NAALADL2: variants seen among roughly 807,000 people sequenced by gnomAD.
NAALADL2 encodes N-acetylated alpha-linked acidic dipeptidase like 2, also known as inactive N-acetylated-alpha-linked acidic dipeptidase-like protein 2.
Under a neutral mutation model 87.2 loss-of-function variants are expected in NAALADL2, and 76 were observed. The observed-to-expected ratio is 0.87, with a 90% CI of 0.72 to 1.05. The LOEUF (loss-of-function observed/expected upper bound fraction) is 1.05, where lower values mean the gene tolerates loss of function less well. Among genes scored for constraint, NAALADL2 ranks in the 50% least tolerant of loss-of-function variants. NAALADL2 has a pLI of 0.00. For synonymous variants in NAALADL2, 354 were observed against 331.0 expected, an observed-to-expected ratio of 1.07 and a Z score of -0.75; for missense variants, 1,089 against 945.8, an observed-to-expected ratio of 1.15 and a Z score of -1.99.
At chr3:175,370,353 G>A (rs7610681) in intron 5 of NAALADL2, among the ~76,000 whole-genome samples, 52,967 of 151,784 alleles carry the variant, frequency 0.35, 9,556 homozygotes, top group East Asian at 0.53. Flanking sequence ...AAAATGAAAT[G>A]TTAGAAACTT....
chr3:175,143,573 C>T (rs1388349720), intron 2 of NAALADL2, among the ~76,000 whole-genome samples: 1 of 131,502 alleles, frequency 7.6e-6, no homozygotes, highest in Non-Finnish European at 1.6e-5. Context: ...AAAAAAAAGA[C>T]AATGAAACTA....
At chr3:174,746,227 CAA>C (rs1440047722) in intron 3 of NAALADL2, among the ~76,000 whole-genome samples, 1 of 152,122 alleles carries the variant, frequency 6.6e-6, no homozygotes, top group Non-Finnish European at 1.5e-5. Flanking sequence ...GCAACTGCAA[CAA>C]AGTCTCAGGA....
intron 3 of NAALADL2, among the ~76,000 whole-genome samples, chr3:174,742,733 T>G (rs1733877499): frequency 6.6e-6 from 1 of 151,732 alleles, no homozygotes; most frequent in Non-Finnish European, 1.5e-5. Flanking sequence ...TTAATGATGT[T>G]TCTGTTTTTT....
intron 2 of NAALADL2, among the ~76,000 whole-genome samples, chr3:175,153,458 A>G (rs1731850927): frequency 6.6e-6 from 1 of 152,188 alleles, no homozygotes; most frequent in Non-Finnish European, 1.5e-5. Context: ...TAAAGGATGC[A>G]GCTCTTCATA....
At chr3:174,697,424 G>A (rs1360968418) in intron 2 of NAALADL2, among the ~76,000 whole-genome samples, 1 of 152,142 alleles carries the variant, frequency 6.6e-6, no homozygotes, top group Non-Finnish European at 1.5e-5. Context: ...AAGACCTAAT[G>A]GAGATAAATT....
chr3:174,716,241 A>G (rs1302606786), intron 2 of NAALADL2, among the ~76,000 whole-genome samples: 1 of 152,100 alleles, frequency 6.6e-6, no homozygotes, highest in Non-Finnish European at 1.5e-5. Context: ...TAAGTCAGAA[A>G]GGCATACCTG....
chr3:175,754,740 T>C (rs1381600072), intron 12 of NAALADL2, among the ~76,000 whole-genome samples: 1 of 152,226 alleles, frequency 6.6e-6, no homozygotes, highest in African/African-American at 2.4e-5. Context: ...TGTCCTGTTA[T>C]TTACTTGCTT....
intron 2 of NAALADL2, among the ~76,000 whole-genome samples, chr3:174,611,942 C>T (rs1355622992): frequency 2.0e-5 from 3 of 150,594 alleles, no homozygotes; most frequent in Non-Finnish European, 3.0e-5. Context: ...TTTTTCTTGA[C>T]GTGCTCCCTT....
chr3:174,935,422 A>T (rs926720751), intron 1 of NAALADL2, among the ~76,000 whole-genome samples: 3 of 152,210 alleles, frequency 2.0e-5, no homozygotes, highest in African/African-American at 7.2e-5. Flanking sequence ...AAAACAAAAC[A>T]GACCTTAGAG....
chr3:174,845,562 C>A (rs904945812), intron 3 of NAALADL2, among the ~76,000 whole-genome samples: 2 of 152,188 alleles, frequency 1.3e-5, no homozygotes, highest in African/African-American at 2.4e-5. Context: ...ACAATCTCTC[C>A]AGTGGAGCAA....
intron 1 of NAALADL2, among the ~76,000 whole-genome samples, chr3:175,017,123 ATAACT>A (rs1485854183): frequency 3.3e-5 from 5 of 152,036 alleles, no homozygotes; most frequent in Admixed American, 2.6e-4. Context: ...GGTAGAAATA[ATAACT>A]TAATTGGATG....
At chr3:174,563,721 G>C (rs949918621) in intron 2 of NAALADL2, among the ~76,000 whole-genome samples, 1 of 151,944 alleles carries the variant, frequency 6.6e-6, no homozygotes, top group Non-Finnish European at 1.5e-5. Flanking sequence ...AGGTTTGTTT[G>C]TGTTTACAAA....
intron 1 of NAALADL2, among the ~76,000 whole-genome samples, chr3:174,546,313 G>A (rs1722724991): frequency 6.6e-6 from 1 of 152,086 alleles, no homozygotes; most frequent in African/African-American, 2.4e-5. Context: ...GTATTCCCAA[G>A]TTTGAGATAT....
chr3:174,657,019 C>T (rs767554022), intron 2 of NAALADL2, among the ~76,000 whole-genome samples: 1 of 149,994 alleles, frequency 6.7e-6, no homozygotes, highest in Non-Finnish European at 1.5e-5. Context: ...TCCTCTCTCT[C>T]TCTCTTTTTC....
intron 1 of NAALADL2, chr3:175,060,061 G>A (rs1266621062): frequency 6.2e-6 from 2 of 325,024 alleles, no homozygotes; most frequent in Non-Finnish European, 1.2e-5. Context: ...CTGGGTAGCA[G>A]CAAAATGAAA....
chr3:175,196,652 A>C (rs1479581142), intron 2 of NAALADL2, among the ~76,000 whole-genome samples: 1 of 151,910 alleles, frequency 6.6e-6, no homozygotes, highest in Non-Finnish European at 1.5e-5. Flanking sequence ...TCTTACAGTA[A>C]TCTTGCACCC....
At chr3:175,293,121 T>C (rs1284322698) in intron 4 of NAALADL2, among the ~76,000 whole-genome samples, 1 of 150,780 alleles carries the variant, frequency 6.6e-6, no homozygotes, top group East Asian at 2.0e-4. Flanking sequence ...GTGTTAAGTC[T>C]AGTAGGGGAA....
chr3:174,626,842 A>T (rs1721626296), intron 2 of NAALADL2, among the ~76,000 whole-genome samples: 1 of 152,082 alleles, frequency 6.6e-6, no homozygotes, highest in Non-Finnish European at 1.5e-5. Flanking sequence ...CCAATTTTAG[A>T]ATAATGGTCT....
intron 3 of NAALADL2, among the ~76,000 whole-genome samples, chr3:174,777,301 A>T (rs1715331226): frequency 6.6e-6 from 1 of 152,136 alleles, no homozygotes; most frequent in African/African-American, 2.4e-5. Flanking sequence ...TTTTGCCACC[A>T]AGTGTCCTTC....
Sources: gnomAD v4.1 joint callset for allele counts (sites outside exome capture counted in the v4.1 genomes callset) on GRCh38, gnomAD v4.1.1 for gene constraint, MANE v1.5 for transcripts, NCBI Gene and HGNC (gene_info 2026-07-23, HGNC 2026-07-21) for gene names.